Variants in LMX1A observed in about 807,000 individuals in gnomAD.
LMX1A encodes LIM homeobox transcription factor 1 alpha.
A neutral mutation model predicts 49.1 loss-of-function variants in LMX1A; 15 were observed. The ratio of observed to expected loss-of-function variants is 0.31; its 90% confidence interval spans 0.20 to 0.47. The LOEUF is 0.47. LMX1A is among the 20% of genes least tolerant of loss of function. LMX1A has a pLI of 1.00. For missense variants in LMX1A, 372 were observed against 475.8 expected (o/e 0.78, Z 2.03); for synonymous variants, 167 against 185.7 (o/e 0.90, Z 0.82).
chr1:165,204,848 C>T (rs1267470487), intron 8 of LMX1A, among the ~76,000 whole-genome samples: 2 of 152,118 alleles, frequency 1.3e-5, no homozygotes, highest in Non-Finnish European at 2.9e-5. Context: ...ACAGATGTGA[C>T]CTGTGCCTTC....
At chr1:165,299,422 G>GCT (rs1301543032) in intron 3 of LMX1A, among the ~76,000 whole-genome samples, 1 of 152,200 alleles carries the variant, frequency 6.6e-6, no homozygotes, top group African/African-American at 2.4e-5. Context: ...ATGGGGCCAT[G>GCT]CTCTCTATCC....
chr1:165,259,733 T>C (rs756382574), intron 3 of LMX1A, among the ~76,000 whole-genome samples: 1 of 152,192 alleles, frequency 6.6e-6, no homozygotes, highest in Non-Finnish European at 1.5e-5. Flanking sequence ...TGAGACTTAG[T>C]CAATGATCAA....
At position 165,292,312 on chromosome 1, in the gene LMX1A, T is replaced by C. The variant is rs1485146345; in HGVS notation, c.264-42672A>G. Among the ~76,000 whole-genome samples, 10 of 152,298 alleles carry C rather than the reference T, an allele frequency of 6.6e-5. No homozygotes were observed. The East Asian group carries it at 1.9e-3, about 29-fold the overall frequency. On this transcript the variant is annotated intron_variant, in intron 3 of 8. Transcript: ENST00000342310. ...GTCTTTCGCAGTAGCTCAAGACTCA[T>C]AGTTACCTATTCAGAAAACATTTGT... is the stretch of plus-strand genomic sequence containing the variant.
chr1:165,276,029 G>A (rs1557870956), intron 3 of LMX1A, among the ~76,000 whole-genome samples: 1 of 152,018 alleles, frequency 6.6e-6, no homozygotes, highest in African/African-American at 2.4e-5. Flanking sequence ...GTGATGGGAT[G>A]CACACACCCC....
At chr1:165,235,057 T>C (rs974199183) in intron 4 of LMX1A, among the ~76,000 whole-genome samples, 4 of 152,196 alleles carry the variant, frequency 2.6e-5, no homozygotes, top group African/African-American at 7.2e-5. Context: ...GGTGTTCAGC[T>C]GCTTTCCTGA....
intron 4 of LMX1A, among the ~76,000 whole-genome samples, chr1:165,235,885 A>G (rs895936929): frequency 1.3e-5 from 2 of 152,106 alleles, no homozygotes; most frequent in Non-Finnish European, 2.9e-5. Context: ...GCATTTTCTC[A>G]TAAAACTGCC....
At chr1:165,264,983 C>T (rs1653573561) in intron 3 of LMX1A, among the ~76,000 whole-genome samples, 1 of 151,986 alleles carries the variant, frequency 6.6e-6, no homozygotes, top group Non-Finnish European at 1.5e-5. Flanking sequence ...GCAGGCAGAT[C>T]ACGAGGCCAG....
At chr1:165,306,444 C>T (rs1047850616) in intron 3 of LMX1A, among the ~76,000 whole-genome samples, 11 of 152,128 alleles carry the variant, frequency 7.2e-5, no homozygotes, top group African/African-American at 9.7e-5. Context: ...ACCTGGACCC[C>T]GCCTGAAGCC....
At chr1:165,315,425 C>T (rs917604594) in intron 3 of LMX1A, among the ~76,000 whole-genome samples, 4 of 152,164 alleles carry the variant, frequency 2.6e-5, no homozygotes, top group Non-Finnish European at 5.9e-5. Context: ...ACAGGAACTT[C>T]GGAAATCTTA....
At chr1:165,255,680 T>C (rs1296340379) in intron 3 of LMX1A, among the ~76,000 whole-genome samples, 1 of 152,172 alleles carries the variant, frequency 6.6e-6, no homozygotes, top group African/African-American at 2.4e-5. Context: ...GCTTAAGAAT[T>C]TTATGAGTTC....
intron 3 of LMX1A, among the ~76,000 whole-genome samples, chr1:165,292,564 G>C (rs1654504850): frequency 1.3e-5 from 2 of 152,218 alleles, no homozygotes; most frequent in African/African-American, 4.8e-5. Flanking sequence ...GCATCAATCT[G>C]TGCACCTATC....
intron 3 of LMX1A, among the ~76,000 whole-genome samples, chr1:165,271,725 C>A (rs1185925682): frequency 6.6e-6 from 1 of 152,076 alleles, no homozygotes; most frequent in East Asian, 1.9e-4. Flanking sequence ...TGCTGCTGGG[C>A]AGGTAGAAAT....
intron 3 of LMX1A, among the ~76,000 whole-genome samples, chr1:165,288,081 C>T (rs1654346855): frequency 6.6e-6 from 1 of 152,214 alleles, no homozygotes; most frequent in Admixed American, 6.5e-5. Context: ...AGGCTGAAAA[C>T]CGCTGTCATT....
At chr1:165,229,134 A>G (rs1652152702) in intron 4 of LMX1A, among the ~76,000 whole-genome samples, 1 of 152,120 alleles carries the variant, frequency 6.6e-6, no homozygotes, top group Non-Finnish European at 1.5e-5. Flanking sequence ...AAATGAAAAA[A>G]ATGTGGCCAT....
At chr1:165,306,211 G>A (rs567010347) in intron 3 of LMX1A, among the ~76,000 whole-genome samples, 1 of 152,296 alleles carries the variant, frequency 6.6e-6, no homozygotes, top group East Asian at 1.9e-4. Context: ...AATTGTAGAT[G>A]TGTAACCTTG....
intron 3 of LMX1A, among the ~76,000 whole-genome samples, chr1:165,292,078 A>C (rs938175160): frequency 3.3e-5 from 5 of 151,696 alleles, no homozygotes; most frequent in South Asian, 2.1e-4. Flanking sequence ...AAAAAAAAAA[A>C]AAAAAAACAA....
At chr1:165,352,393 A>G (rs1314319735) in intron 3 of LMX1A, among the ~76,000 whole-genome samples, 1 of 152,170 alleles carries the variant, frequency 6.6e-6, no homozygotes, top group African/African-American at 2.4e-5. Flanking sequence ...GTTGAAGGAG[A>G]GGGCTTCAGT....
intron 4 of LMX1A, among the ~76,000 whole-genome samples, chr1:165,239,949 C>T (rs916201635): frequency 6.6e-6 from 1 of 152,272 alleles, no homozygotes; most frequent in Non-Finnish European, 1.5e-5. Context: ...GGAATTTATA[C>T]CAATTCCAAA....
chr1:165,327,378 A>G (rs1160926555), intron 3 of LMX1A, among the ~76,000 whole-genome samples: 1 of 152,228 alleles, frequency 6.6e-6, no homozygotes, highest in Non-Finnish European at 1.5e-5. Context: ...AGACATGGAC[A>G]CCCAGAAAAA....
Sources: allele counts gnomAD v4.1 joint callset (sites outside exome capture counted in the v4.1 genomes callset), GRCh38; gene constraint gnomAD v4.1.1; transcripts MANE v1.5; gene names NCBI Gene and HGNC (gene_info 2026-07-23, HGNC 2026-07-21).